Variants in XYLT1 observed in about 807,000 individuals in gnomAD.
XYLT1 encodes the protein beta-D-xylosyltransferase 1.
A neutral mutation model predicts 91.3 loss-of-function variants in XYLT1; 36 were observed. The observed-to-expected ratio is 0.39, with a 90% CI of 0.30 to 0.52. The LOEUF (loss-of-function observed/expected upper bound fraction) is 0.52, where lower values mean the gene tolerates loss of function less well. Among genes scored for constraint, XYLT1 ranks in the 20% least tolerant of loss-of-function variants. The pLI is 0.68. For missense variants in XYLT1, 1,242 were observed against 1,284.5 expected, an observed-to-expected ratio of 0.97 and a Z score of 0.51; for synonymous variants, 588 against 532.0, an observed-to-expected ratio of 1.11 and a Z score of -1.45.
intron 2 of XYLT1, among the ~76,000 whole-genome samples, chr16:17,289,441 T>A (rs6498673): frequency 0.36 from 54,950 of 152,028 alleles, 10,548 homozygotes; most frequent in African/African-American, 0.49. Context: ...CCCTGAGACA[T>A]GTGACAAGTA....
chr16:17,412,371 G>A (rs1312674083), intron 1 of XYLT1, among the ~76,000 whole-genome samples: 5 of 151,760 alleles, frequency 3.3e-5, no homozygotes, highest in Admixed American at 6.6e-5. Flanking sequence ...GCACACACAC[G>A]TACACAAACA....
intron 5 of XYLT1, among the ~76,000 whole-genome samples, chr16:17,195,684 T>A (rs776272968): frequency 3.3e-5 from 5 of 152,078 alleles, no homozygotes; most frequent in Non-Finnish European, 5.9e-5. Context: ...GACCTTGTGA[T>A]CCACCTGCCT....
chr16:17,210,093 T>C (rs1221385318), intron 3 of XYLT1, among the ~76,000 whole-genome samples: 1 of 152,096 alleles, frequency 6.6e-6, no homozygotes, highest in African/African-American at 2.4e-5. Flanking sequence ...CAGGTCTCCC[T>C]ATGCTGCTCA....
chr16:17,126,603 C>A (rs1337557614), intron 10 of XYLT1, among the ~76,000 whole-genome samples: 1 of 152,192 alleles, frequency 6.6e-6, no homozygotes, highest in Non-Finnish European at 1.5e-5. Flanking sequence ...GGGACTCCCC[C>A]TCTCCCCAAC....
At chr16:17,112,918 C>A (rs910990106) in intron 11 of XYLT1, among the ~76,000 whole-genome samples, 9 of 152,220 alleles carry the variant, frequency 5.9e-5, no homozygotes, top group Non-Finnish European at 1.2e-4. Flanking sequence ...CAGCTCACTG[C>A]AACCTCCACC....
intron 3 of XYLT1, among the ~76,000 whole-genome samples, chr16:17,230,031 C>T (rs912648471): frequency 2.0e-5 from 3 of 152,166 alleles, no homozygotes; most frequent in Non-Finnish European, 4.4e-5. Flanking sequence ...CACCAAGGAA[C>T]GCCAGCAGCA....
intron 2 of XYLT1, among the ~76,000 whole-genome samples, chr16:17,289,359 G>A (rs975845132): frequency 7.3e-5 from 11 of 151,604 alleles, no homozygotes; most frequent in Admixed American, 6.6e-5. Context: ...TCTGTCTGTC[G>A]CCTCCCTCTT....
intron 1 of XYLT1, among the ~76,000 whole-genome samples, chr16:17,370,134 C>T (rs1313559377): frequency 6.6e-6 from 1 of 152,172 alleles, no homozygotes; most frequent in African/African-American, 2.4e-5. Flanking sequence ...TCCTTTCATC[C>T]GTGAATAGAG....
intron 10 of XYLT1, among the ~76,000 whole-genome samples, chr16:17,127,032 C>G (rs1387972985): frequency 6.6e-6 from 1 of 152,182 alleles, no homozygotes; most frequent in Non-Finnish European, 1.5e-5. Flanking sequence ...GTAGCTATTG[C>G]AGCAGCTTAA....
At chr16:17,129,580 T>G (rs2030393997) in intron 9 of XYLT1, among the ~76,000 whole-genome samples, 1 of 152,118 alleles carries the variant, frequency 6.6e-6, no homozygotes, top group South Asian at 2.1e-4. Flanking sequence ...GCTTTTTATT[T>G]CCATAGGATT....
At chr16:17,342,069 T>C (rs891600597) in intron 2 of XYLT1, among the ~76,000 whole-genome samples, 7 of 152,168 alleles carry the variant, frequency 4.6e-5, no homozygotes, top group African/African-American at 1.7e-4. Context: ...TCTGAAGACT[T>C]CCCAGTGTGG....
chr16:17,321,868 G>A (rs2034728794), intron 2 of XYLT1, among the ~76,000 whole-genome samples: 1 of 152,162 alleles, frequency 6.6e-6, no homozygotes, highest in Non-Finnish European at 1.5e-5. Context: ...AAATGGTATG[G>A]TGGCAAGGTT....
At chr16:17,113,860 C>A (rs1306719842) in intron 11 of XYLT1, among the ~76,000 whole-genome samples, 1 of 152,274 alleles carries the variant, frequency 6.6e-6, no homozygotes, top group Admixed American at 6.5e-5. Flanking sequence ...GTAGCATCTT[C>A]ACAGGAAGGT....
chr16:17,147,444 C>T (rs1271791269), intron 6 of XYLT1, among the ~76,000 whole-genome samples: 1 of 152,264 alleles, frequency 6.6e-6, no homozygotes, highest in Middle Eastern at 3.4e-3. Context: ...ATAATAGCAT[C>T]GTCTTGCAAT....
intron 2 of XYLT1, among the ~76,000 whole-genome samples, chr16:17,278,482 T>C (rs978769808): frequency 6.6e-6 from 1 of 152,174 alleles, no homozygotes; most frequent in African/African-American, 2.4e-5. Context: ...TCAGAGGAGT[T>C]TGACAAGGCG....
At chr16:17,233,796 T>G (rs1236276944) in intron 3 of XYLT1, among the ~76,000 whole-genome samples, 1 of 152,200 alleles carries the variant, frequency 6.6e-6, no homozygotes, top group Non-Finnish European at 1.5e-5. Context: ...TCTACCTGCC[T>G]ACTCCAGGCA....
At chr16:17,435,956 C>T (rs892502614) in intron 1 of XYLT1, among the ~76,000 whole-genome samples, 1 of 152,154 alleles carries the variant, frequency 6.6e-6, no homozygotes, top group Non-Finnish European at 1.5e-5. Flanking sequence ...CCAAATCTCA[C>T]CTTGAATTGT....
At chr16:17,186,231 G>A (rs539154935) in intron 5 of XYLT1, among the ~76,000 whole-genome samples, 57 of 152,220 alleles carry the variant, frequency 3.7e-4, no homozygotes, top group African/African-American at 1.2e-3. Context: ...AGCCTCCCGA[G>A]TATCTGGGAT....
intron 2 of XYLT1, among the ~76,000 whole-genome samples, chr16:17,334,049 G>A (rs546548487): frequency 6.6e-6 from 1 of 152,268 alleles, no homozygotes; most frequent in Admixed American, 6.5e-5. Context: ...CTTTCACCAT[G>A]TGAGGTCACA....
Sources: gnomAD v4.1 joint callset for allele counts (sites outside exome capture counted in the v4.1 genomes callset) on GRCh38, gnomAD v4.1.1 for gene constraint, MANE v1.5 for transcripts, NCBI Gene and HGNC (gene_info 2026-07-23, HGNC 2026-07-21) for gene names.